PUM3: variants seen among roughly 807,000 people sequenced by gnomAD.
PUM3 encodes the protein pumilio RNA binding family member 3, also known as pumilio homolog 3.
A neutral mutation model predicts 84.0 loss-of-function variants in PUM3; 91 were observed. That is an observed-to-expected ratio of 1.08 (90% CI 0.91 to 1.29). PUM3 has a LOEUF of 1.29. Ranked by LOEUF, PUM3 falls within the 50% of genes most tolerant of loss-of-function variation. The pLI, the probability that PUM3 is intolerant of heterozygous loss-of-function variation, is 0.00. For missense variants in PUM3, 1,067 were observed against 767.5 expected (o/e 1.39, Z -4.61); for synonymous variants, 321 against 266.7 (o/e 1.20, Z -1.98).
intron 13 of PUM3, among the ~76,000 whole-genome samples, chr9:2,817,352 C>G (rs1288448615): frequency 6.6e-6 from 1 of 151,932 alleles, no homozygotes; most frequent in East Asian, 1.9e-4. Flanking sequence ...ATCTTGCAAG[C>G]TAATAATGGT....
intron 16 of PUM3, among the ~76,000 whole-genome samples, chr9:2,809,900 A>T (rs1223536911): frequency 6.6e-6 from 1 of 152,200 alleles, no homozygotes; most frequent in Non-Finnish European, 1.5e-5. Flanking sequence ...AAACTCTCTT[A>T]CGAGGATAAT....
rs200359729 is a variant in PUM3, at chr9:2,810,440, G to A, written c.1636-9C>T. On this transcript the variant is annotated splice_polypyrimidine_tract_variant and intron_variant, in intron 15 of 17. Transcript: ENST00000397885. ...TGTTCTGCAATGTGAAGCTATGAAG[G>A]GTCAAGAACAGTTAATTTTAAAAGT... 5.1e-6 allele frequency: 8 copies of A among 1,571,574 alleles called. No homozygotes were observed. In the East Asian group the frequency reaches 1.8e-4, roughly 35 times the overall value.
intron 12 of PUM3, among the ~76,000 whole-genome samples, chr9:2,822,774 A>C (rs1288074330): frequency 1.3e-5 from 2 of 148,726 alleles, no homozygotes; most frequent in African/African-American, 4.9e-5. Flanking sequence ...AATTCATATT[A>C]TAATTATGAA....
intron 13 of PUM3, among the ~76,000 whole-genome samples, 160 bp from the exon 14 acceptor site, chr9:2,812,522 C>A (rs769814207): frequency 1.3e-5 from 2 of 152,066 alleles, no homozygotes; most frequent in Non-Finnish European, 2.9e-5. Flanking sequence ...AGCACAATGT[C>A]CTATAAAATT....
chr9:2,829,635 G>T, intron 8 of PUM3, 139 bp downstream of exon 8: 1 of 691,760 alleles, frequency 1.4e-6, no homozygotes, highest in Non-Finnish European at 2.4e-6. Flanking sequence ...AAGCATGAGG[G>T]AAAATCAAGG....
chr9:2,811,393 T>A lies in PUM3; in HGVS notation c.1603A>T (p.Thr535Ser), dbSNP rs769362872. The A allele has an allele frequency of 1.9e-5, 30 of 1,614,016 alleles. No homozygotes were observed. The South Asian group carries it at 3.2e-4, about 17-fold the overall frequency. The change falls in exon 15 of 18, where the codon ACA (threonine) becomes TCA (serine). Residue 535 changes from threonine (T) to serine (S), a missense_variant. Coordinates refer to ENST00000397885, the MANE Select transcript of PUM3 (RefSeq NM_014878.5). ...TMNAIASLAA[T>S]GLHPGGKDGE... ...TCCTTGCCACCAGGATGCAGTCCTG[T>A]TGCTGCCAAGCTGGCGATGGCATTC...
chr9:2,843,868 G>A (rs1350145179), intron 1 of PUM3, among the ~76,000 whole-genome samples, 177 bp downstream of exon 1: 2 of 152,116 alleles, frequency 1.3e-5, no homozygotes, highest in East Asian at 1.9e-4. Flanking sequence ...GTGAGCCACC[G>A]CGCCCGGCCA....
At chr9:2,805,367 G>C (rs560222319) in intron 17 of PUM3, among the ~76,000 whole-genome samples, 1 of 152,202 alleles carries the variant, frequency 6.6e-6, no homozygotes, top group Non-Finnish European at 1.5e-5. Context: ...TCTGACCGCA[G>C]AGTACCAGTC....
intron 3 of PUM3, 85 bp downstream of exon 3, chr9:2,837,095 G>A: frequency 1.8e-6 from 2 of 1,139,280 alleles, no homozygotes; most frequent in South Asian, 2.7e-5. Context: ...CAAGGAATAA[G>A]AATGTGAGGT....
Position 2,833,394 on chromosome 9 carries a change from C to T in PUM3, c.479G>A (p.Ser160Asn). Residue 160 changes from serine (S) to asparagine (N), a missense_variant, in exon 5 of 18, where the codon AGT (serine) becomes AAT (asparagine). By Grantham distance (46) the Ser-to-Asn change is conservative. Transcript: ENST00000397885. ...CCCTTGAATCAACTTCTGCAAATCA[C>T]TCATTAACTTTACTCTTTTTTCTTT... The part of the protein sequence containing the change: ...CDKEKRVKLM[S>N]DLQKLIQGKI... 1.3e-6 allele frequency: 2 copies of T among 1,593,516 alleles called. No individual in the cohort carries two copies. Among genetic ancestry groups the T allele is most frequent in the Non-Finnish European group, 1.7e-6 (2 of 1,163,716 alleles).
At chr9:2,817,829 C>A (rs1049407695) in intron 13 of PUM3, among the ~76,000 whole-genome samples, 7 of 152,110 alleles carry the variant, frequency 4.6e-5, no homozygotes, top group African/African-American at 1.4e-4. Context: ...ATTTTAAAGA[C>A]AATGGCTTTA....
At chr9:2,827,260 T>TTGTTTTTAA in intron 9 of PUM3, 109 bp from the exon 10 acceptor site, 1 of 687,642 alleles carries the variant, frequency 1.5e-6, no homozygotes. Context: ...GAAATGGTTT[T>TTGTTTTTAA]ACTGAATACA....
At chr9:2,831,429 T>C in intron 5 of PUM3, 85 bp from the exon 6 acceptor site, 1 of 857,056 alleles carries the variant, frequency 1.2e-6, no homozygotes, top group Non-Finnish European at 1.9e-6. Context: ...CTGGAATTTC[T>C]TGTTAGAAAA....
chr9:2,822,736 TATA>T (rs200956190), intron 12 of PUM3, among the ~76,000 whole-genome samples: 4,363 of 144,924 alleles, frequency 0.03, 183 homozygotes, highest in African/African-American at 0.1. Context: ...AACATAATAA[TATA>T]ATGTTATATA....
rs190884295 is a variant in PUM3 at position 2,827,914 on chromosome 9, G to C, written c.956+761C>G. ...AGATTGCAGTTAGTAATAGTTGGGG[G>C]AGTGGGGAACCAGGAGTCGTACCCA... is the stretch of plus-strand genomic sequence containing the variant. On this transcript the variant is annotated intron_variant, in intron 9 of 17. Coordinates refer to ENST00000397885, the MANE Select transcript of PUM3 (RefSeq NM_014878.5). Among the ~76,000 whole-genome samples, 10 of 152,354 alleles carry C rather than the reference G, an allele frequency of 6.6e-5. No homozygotes were observed. In the East Asian group the frequency reaches 1.9e-3, roughly 29 times the overall value.
chr9:2,818,213 TAC>T (rs1203197700), intron 13 of PUM3, among the ~76,000 whole-genome samples: 1 of 152,218 alleles, frequency 6.6e-6, no homozygotes, highest in Non-Finnish European at 1.5e-5. Context: ...TATCACGAGC[TAC>T]ACAGTTTAAT....
Position 2,813,231 on chromosome 9 carries a change from C to T in PUM3, c.1270-869G>A, listed in dbSNP as rs1821406232. Among the ~76,000 whole-genome samples, 3 of 152,196 alleles carry T rather than the reference C, an allele frequency of 2.0e-5. No homozygotes were observed. In the South Asian group the frequency reaches 6.2e-4, roughly 31 times the overall value. The stretch of plus-strand genomic sequence containing the variant: ...AAAAGCAACGTCATCCCCACCCTAA[C>T]TAAACTCCTGTGTAAATCTGCTGTT... On this transcript the variant is annotated intron_variant, in intron 13 of 17. Transcript: ENST00000397885.
chr9:2,831,357 G>A lies in PUM3; in HGVS notation c.517-13C>T, dbSNP rs1815975445. The A allele has an allele frequency of 1.5e-5, 23 of 1,536,036 alleles. No homozygotes were observed. The highest frequency in any genetic ancestry group is 2.0e-5 in the Non-Finnish European group (22 of 1,114,428). On this transcript the variant is annotated splice_polypyrimidine_tract_variant and intron_variant, in intron 5 of 17. Transcript: ENST00000397885. ...GTGCAAATGCAATCTGCAGGAAAAA[G>A]TTTGAGTTAGACTAATTCTCTTTTG...
At position 2,804,453 on chromosome 9, in the gene PUM3, T is replaced by G. The variant is rs1250740570; in HGVS notation, c.1825A>C (p.Ser609Arg). 6 of 1,613,560 alleles carry G rather than the reference T, an allele frequency of 3.7e-6. No homozygotes were observed. Among genetic ancestry groups the G allele is most frequent in the Non-Finnish European group, 5.1e-6 (6 of 1,179,826 alleles). ...GAIILSSLLQ[S>R]CDLEVANKVK... ...TTGTTTGCAACTTCCAGGTCACAAC[T>G]CTGGAGGAGGCTGAAGAGAGGAAAA... Residue 609 changes from serine (S) to arginine (R), a missense_variant, in exon 18 of 18, where the codon AGT becomes CGT. Physicochemically the swap from Ser to Arg is moderately radical, Grantham distance 110. Transcript: ENST00000397885.
Sources: allele counts gnomAD v4.1 joint callset (sites outside exome capture counted in the v4.1 genomes callset), GRCh38; gene constraint gnomAD v4.1.1; transcripts MANE v1.5; gene names NCBI Gene and HGNC (gene_info 2026-07-23, HGNC 2026-07-21).